The following MARCHF6 variants were observed in gnomAD, a reference collection of about 807,000 sequenced individuals.
MARCHF6 encodes E3 ubiquitin-protein ligase MARCHF6.
Under a neutral mutation model 133.7 loss-of-function variants are expected in MARCHF6, and 31 were observed. The observed-to-expected ratio is 0.23, with a 90% CI of 0.17 to 0.31. MARCHF6 has a LOEUF of 0.31. Ranked by LOEUF, MARCHF6 falls within the 10% of genes least tolerant of loss-of-function variation. The probability of loss-of-function intolerance (pLI) is 1.00; values close to 1 mark genes in which losing one functional copy is unlikely to be tolerated. For missense variants in MARCHF6, 723 were observed against 1,121.6 expected (o/e 0.64, Z 5.08); for synonymous variants, 395 against 402.5 (o/e 0.98, Z 0.22).
intron 3 of MARCHF6, among the ~76,000 whole-genome samples, chr5:10,379,929 T>C (rs1038400743): frequency 3.9e-5 from 6 of 152,208 alleles, no homozygotes; most frequent in African/African-American, 1.2e-4. Context: ...AATTACCGTT[T>C]TTTTCATGAG....
At chr5:10,369,385 TAG>T (rs1736323337) in intron 1 of MARCHF6, among the ~76,000 whole-genome samples, 1 of 152,230 alleles carries the variant, frequency 6.6e-6, no homozygotes, top group Non-Finnish European at 1.5e-5. Context: ...GATGACATTT[TAG>T]AGAGGGAACA....
At chr5:10,385,478 A>G (rs775805411) in intron 4 of MARCHF6, among the ~76,000 whole-genome samples, 1 of 152,192 alleles carries the variant, frequency 6.6e-6, no homozygotes, top group South Asian at 2.1e-4. Context: ...AATTAAATAC[A>G]TCTGTAATCA....
At chr5:10,372,247 G>C (rs1736515618) in intron 1 of MARCHF6, among the ~76,000 whole-genome samples, 1 of 151,974 alleles carries the variant, frequency 6.6e-6, no homozygotes. Context: ...AATTGAGGGG[G>C]GAGAAAACCC....
At chr5:10,422,455 G>A (rs188810221) in intron 22 of MARCHF6, among the ~76,000 whole-genome samples, 7 of 152,206 alleles carry the variant, frequency 4.6e-5, no homozygotes, top group East Asian at 1.9e-4. Flanking sequence ...TATTAGACAC[G>A]GGGAAATCAA....
At chr5:10,382,262 C>T (rs935002630) in intron 4 of MARCHF6, among the ~76,000 whole-genome samples, 5 of 152,050 alleles carry the variant, frequency 3.3e-5, no homozygotes, top group South Asian at 2.1e-4. Flanking sequence ...CTACAAAAGA[C>T]GGCCGGGCGC....
rs1466789854 is a variant in MARCHF6, at chr5:10,353,866, C to A, written c.-33C>A. ...TTTCCCCGCCCGGCCGCGGGAGCCT[C>A]GTGGCTGCGTCACCGCCGCCCCCCC... On this transcript the variant is annotated 5_prime_UTR_variant, in exon 1 of 26. Transcript: ENST00000274140. The A allele has an allele frequency of 3.9e-6, 6 of 1,556,940 alleles. No individual in the cohort carries two copies. The highest frequency in any genetic ancestry group is 1.9e-5 in the Admixed American group (1 of 52,986).
rs1225317941 is a variant in MARCHF6 at position 10,353,865 on chromosome 5, T to C, written c.-34T>C. ...CTTTCCCCGCCCGGCCGCGGGAGCC[T>C]CGTGGCTGCGTCACCGCCGCCCCCC... is the stretch of plus-strand genomic sequence containing the variant. On this transcript the variant is annotated 5_prime_UTR_variant, in exon 1 of 26. Transcript: ENST00000274140. The C allele has an allele frequency of 6.4e-7, 1 of 1,556,388 alleles. No individual in the cohort carries two copies. Among genetic ancestry groups the C allele is most frequent in the African/African-American group, 1.4e-5 (1 of 72,416 alleles).
chr5:10,376,127 C>T (rs1736765905), intron 1 of MARCHF6, among the ~76,000 whole-genome samples: 2 of 152,178 alleles, frequency 1.3e-5, no homozygotes, highest in Non-Finnish European at 2.9e-5. Flanking sequence ...CTCGGGTCCC[C>T]TTCCACACTG....
intron 1 of MARCHF6, among the ~76,000 whole-genome samples, chr5:10,376,833 G>C (rs752136279): frequency 4.6e-5 from 7 of 152,202 alleles, no homozygotes; most frequent in Admixed American, 4.6e-4. Context: ...GTGCATTAGT[G>C]ATGGGGATCG....
intron 22 of MARCHF6, among the ~76,000 whole-genome samples, chr5:10,422,641 A>G (rs555800606): frequency 6.6e-6 from 1 of 152,266 alleles, no homozygotes; most frequent in East Asian, 1.9e-4. Flanking sequence ...ATTTGAGGGT[A>G]TTCAAGAATT....
chr5:10,403,575 T>G, intron 15 of MARCHF6, 34 bp downstream of exon 15: 2 of 1,570,088 alleles, frequency 1.3e-6, no homozygotes, highest in Non-Finnish European at 1.7e-6. Context: ...TGCTGTACAT[T>G]TATAAAAAGG....
chr5:10,371,503 A>G (rs1736461397), intron 1 of MARCHF6, among the ~76,000 whole-genome samples: 1 of 152,202 alleles, frequency 6.6e-6, no homozygotes, highest in African/African-American at 2.4e-5. Flanking sequence ...AGCAGGCAAA[A>G]AGAGAGAGCA....
At chr5:10,399,368 C>A (rs1738382898) in intron 10 of MARCHF6, among the ~76,000 whole-genome samples, 2 of 151,760 alleles carry the variant, frequency 1.3e-5, no homozygotes, top group Non-Finnish European at 2.9e-5. Flanking sequence ...AATATTCTTA[C>A]CCATGAAATA....
intron 3 of MARCHF6, 29 bp downstream of exon 3, chr5:10,378,861 T>G: frequency 6.7e-7 from 1 of 1,501,338 alleles, no homozygotes; most frequent in Non-Finnish European, 9.2e-7. Flanking sequence ...TTCACTGCAT[T>G]TTTTTTGGTT....
chr5:10,358,010 C>G (rs1029153552), intron 1 of MARCHF6, among the ~76,000 whole-genome samples: 1 of 145,450 alleles, frequency 6.9e-6, no homozygotes, highest in Non-Finnish European at 1.5e-5. Context: ...CTCTGTCACC[C>G]AGGCTGGAGT....
intron 19 of MARCHF6, among the ~76,000 whole-genome samples, chr5:10,412,485 GAAAA>G (rs149671481): frequency 3.3e-5 from 5 of 152,086 alleles, no homozygotes; most frequent in Non-Finnish European, 7.4e-5. Context: ...GTCAGAGAGT[GAAAA>G]AAAGGAAGTG....
At chr5:10,390,064 T>C (rs1737731595) in intron 5 of MARCHF6, among the ~76,000 whole-genome samples, 1 of 152,186 alleles carries the variant, frequency 6.6e-6, no homozygotes, top group East Asian at 1.9e-4. Flanking sequence ...ATAGGTAATT[T>C]CCATATAGTT....
intron 1 of MARCHF6, among the ~76,000 whole-genome samples, chr5:10,360,126 A>G (rs1735721975): frequency 1.3e-5 from 2 of 151,412 alleles, no homozygotes; most frequent in Non-Finnish European, 2.9e-5. Flanking sequence ...TCGGGAGTCA[A>G]AAGTTGTATG....
rs1323054459 is a variant in MARCHF6, at chr5:10,374,330, T to C, written c.20-3468T>C. ...GCTGAATTCCTGGCAGTTAAAATGC[T>C]TGTTTTTGGATCTTAACGTGCTGCC... On this transcript the variant is annotated intron_variant, in intron 1 of 25. Transcript: ENST00000274140. Among the ~76,000 whole-genome samples the C allele has an allele frequency of 7.2e-5, 11 of 152,360 alleles. No individual in the cohort carries two copies. In the East Asian group the frequency reaches 2.1e-3, roughly 29 times the overall value.
Sources: allele counts gnomAD v4.1 joint callset (sites outside exome capture counted in the v4.1 genomes callset), GRCh38; gene constraint gnomAD v4.1.1; transcripts MANE v1.5; gene names NCBI Gene and HGNC (gene_info 2026-07-23, HGNC 2026-07-21).